The following SEC62 variants were observed in gnomAD, a reference collection of about 807,000 sequenced individuals.
SEC62 encodes SEC62 preprotein translocation factor, also known as translocation protein SEC62.
SEC62 carries 10 observed loss-of-function variants against 47.5 expected under a neutral mutation model. That is an observed-to-expected ratio of 0.21 (90% CI 0.13 to 0.36). SEC62 has a LOEUF of 0.36. Ranked by LOEUF, SEC62 falls within the 10% of genes least tolerant of loss-of-function variation. SEC62 has a pLI of 1.00. For missense variants in SEC62, 327 were observed against 464.1 expected, an observed-to-expected ratio of 0.70 and a Z score of 2.71; for synonymous variants, 136 against 150.5, an observed-to-expected ratio of 0.90 and a Z score of 0.71.
intron 2 of SEC62, among the ~76,000 whole-genome samples, chr3:169,976,185 C>T (rs1032279088): frequency 1.3e-4 from 20 of 152,052 alleles, no homozygotes; most frequent in African/African-American, 4.6e-4. Flanking sequence ...TTGCTTGAGG[C>T]CAGGAGTTCG....
At chr3:169,976,048 A>G (rs1343066094) in intron 2 of SEC62, among the ~76,000 whole-genome samples, 1 of 152,172 alleles carries the variant, frequency 6.6e-6, no homozygotes, top group Non-Finnish European at 1.5e-5. Flanking sequence ...AGCTGATGTC[A>G]TTTATAACAC....
chr3:169,991,050 A>T (rs1249681152), intron 7 of SEC62, among the ~76,000 whole-genome samples: 5 of 152,224 alleles, frequency 3.3e-5, no homozygotes, highest in Non-Finnish European at 7.3e-5. Flanking sequence ...CATAATTGGT[A>T]AATTCAGAGA....
At chr3:169,985,003 A>G (rs997752706) in intron 5 of SEC62, 3 of 152,136 alleles carry the variant, frequency 2.0e-5, no homozygotes, top group African/African-American at 7.2e-5. Context: ...GGAGTAGGCA[A>G]TGAAATTAAT....
At chr3:169,989,981 A>G (rs972724533) in intron 7 of SEC62, among the ~76,000 whole-genome samples, 7 of 146,342 alleles carry the variant, frequency 4.8e-5, no homozygotes, top group African/African-American at 1.7e-4. Flanking sequence ...ATATGAATAT[A>G]TATGATATAT....
chr3:169,979,477 C>T (rs1190302173), intron 3 of SEC62, among the ~76,000 whole-genome samples: 1 of 152,152 alleles, frequency 6.6e-6, no homozygotes, highest in Non-Finnish European at 1.5e-5. Context: ...TGAACTCATA[C>T]ATACTAGGTT....
chr3:169,992,130 A>C lies in SEC62; in HGVS notation c.731-464A>C, dbSNP rs1481818250. Among the ~76,000 whole-genome samples, 2 of 152,166 alleles carry C rather than the reference A, an allele frequency of 1.3e-5. No homozygotes were observed. Among genetic ancestry groups the C allele is most frequent in the African/African-American group, 2.4e-5 (1 of 41,448 alleles). ...TCTTTTCCTACACCATGATCTTATG[A>C]ATACTTAAATTCCCAACTGATTGCT... On this transcript the variant is annotated intron_variant, in intron 7 of 7. Coordinates refer to ENST00000337002, the MANE Select transcript of SEC62 (RefSeq NM_003262.4). The surrounding 1 kb of genome is among the most constrained non-coding windows in gnomAD (Gnocchi z 4.0).
chr3:169,983,475 A>G (rs546071503), intron 5 of SEC62: 14 of 337,042 alleles, frequency 4.2e-5, no homozygotes, highest in Admixed American at 1.4e-4. Flanking sequence ...AAGCATCTTA[A>G]TACAAAATAG....
chr3:169,975,856 C>T lies in SEC62; in HGVS notation c.145+140C>T. 7 of 506,600 alleles carry T rather than the reference C, an allele frequency of 1.4e-5. No individual in the cohort carries two copies. The South Asian group carries it at 2.3e-4, about 17-fold the overall frequency. The allele number at this position is 506,600 out of a possible 1,614,324, so 31.4% of individuals were successfully genotyped here. The stretch of plus-strand genomic sequence containing the variant: ...ACATATGGCAGTTGATTATTCTGTT[C>T]TTTTCTTTTATGATTGAAAATGTCT... On this transcript the variant is annotated intron_variant, in intron 2 of 7. Transcript: ENST00000337002.
At chr3:169,978,291 C>G (rs542238420) in intron 3 of SEC62, among the ~76,000 whole-genome samples, 15 of 152,054 alleles carry the variant, frequency 9.9e-5, no homozygotes, top group African/African-American at 3.4e-4. Flanking sequence ...CAAGGATGAG[C>G]TAACACTCAT....
chr3:169,980,655 T>G (rs1373570730), intron 3 of SEC62, among the ~76,000 whole-genome samples: 1 of 152,236 alleles, frequency 6.6e-6, no homozygotes, highest in Non-Finnish European at 1.5e-5. Flanking sequence ...TAAAATTCTT[T>G]ATTAAGAATC....
chr3:169,975,626 A>G lies in SEC62; in HGVS notation c.55A>G (p.Lys19Glu). 1 of 1,612,864 alleles carries G rather than the reference A, an allele frequency of 6.2e-7. No individual in the cohort carries two copies. Among genetic ancestry groups the G allele is most frequent in the South Asian group, 1.1e-5 (1 of 91,062 alleles). ...GTTGCAGGAAGTTGGTGAACCATCTAAAGAAGAGAAGGCTGTGGCCAAGTA... is the reference window on the plus strand; with the variant it reads ...GTTGCAGGAAGTTGGTGAACCATCTGAAGAAGAGAAGGCTGTGGCCAAGTA... ...KRIQEVGEPS[K>E]EEKAVAKYLR... The change falls in exon 2 of 8, where the codon AAA becomes GAA. Residue 19 changes from lysine to glutamate, a missense_variant. Coordinates refer to ENST00000337002, the MANE Select transcript of SEC62 (RefSeq NM_003262.4).
Position 169,992,563 on chromosome 3 carries a change from T to C in SEC62, c.731-31T>C. On this transcript the variant is annotated intron_variant, in intron 7 of 7. Transcript: ENST00000337002. The surrounding 1 kb of genome is among the most constrained non-coding windows in gnomAD (Gnocchi z 4.0). ...CTCCCTTCTGAGGCAGTGTTTGAAT[T>C]ACTCAATTAGAGAAATTTTTCTCCC... 6.7e-7 allele frequency: 1 copy of C among 1,492,912 alleles called. No homozygotes were observed. The highest frequency in any genetic ancestry group is 9.2e-7 in the Non-Finnish European group (1 of 1,084,698). 92.5% of individuals were successfully genotyped at this position (1,492,912 alleles called of 1,614,324 possible).
chr3:169,988,575 TAAG>T (rs914158986), intron 7 of SEC62, among the ~76,000 whole-genome samples: 21 of 152,318 alleles, frequency 1.4e-4, no homozygotes, highest in African/African-American at 5.1e-4. Context: ...AATTTTTTAA[TAAG>T]ATTATTTTTT....
chr3:169,982,619 T>G, intron 3 of SEC62, 88 bp from the exon 4 acceptor site: 1 of 1,498,466 alleles, frequency 6.7e-7, no homozygotes, highest in Non-Finnish European at 9.2e-7. Context: ...TATGCCTTCC[T>G]TTGCTTATTT....
Position 169,990,166 on chromosome 3 carries a change from A to G in SEC62, c.730+1807A>G, listed in dbSNP as rs11915506. Among the ~76,000 whole-genome samples the G allele has an allele frequency of 3.5e-3, 524 of 151,722 alleles. 2 individuals carry two copies. Among genetic ancestry groups the G allele is most frequent in the African/African-American group, 0.012 (497 of 41,416 alleles). The stretch of plus-strand genomic sequence containing the variant: ...GCCCAGGGTAAAGTACCATGGCAGA[A>G]TCATAGCTCACTGTACCCTCAAACT... On this transcript the variant is annotated intron_variant, in intron 7 of 7. Coordinates refer to ENST00000337002, the MANE Select transcript of SEC62 (RefSeq NM_003262.4).
rs74286677 is a variant in SEC62 at position 169,992,002 on chromosome 3, C to T, written c.731-592C>T. ...TTAATAGTTTTTGTGGAGTAAGTGC[C>T]TTACAAAGGCAAAAGGGCCTAGGGC... is the stretch of plus-strand genomic sequence containing the variant. On this transcript the variant is annotated intron_variant, in intron 7 of 7. Coordinates refer to ENST00000337002, the MANE Select transcript of SEC62 (RefSeq NM_003262.4). This position sits in a 1 kb window ranked among gnomAD's most constrained non-coding sequence, Gnocchi z 4.0. Among the ~76,000 whole-genome samples, 26,815 of 152,006 alleles carry T rather than the reference C, an allele frequency of 0.18. 2,511 individuals are homozygous for T. Among genetic ancestry groups the T allele is most frequent in the South Asian group, 0.23 (1,099 of 4,816 alleles).
intron 3 of SEC62, among the ~76,000 whole-genome samples, chr3:169,980,467 T>C (rs1299030622): frequency 6.6e-6 from 1 of 152,200 alleles, no homozygotes; most frequent in Non-Finnish European, 1.5e-5. Context: ...TTCAACCTAA[T>C]TGTGAAATTA....
At chr3:169,984,129 T>G (rs1034446896) in intron 5 of SEC62, among the ~76,000 whole-genome samples, 11 of 152,312 alleles carry the variant, frequency 7.2e-5, no homozygotes, top group Admixed American at 2.6e-4. Context: ...AATAGTAACA[T>G]CTATAAAGTC....
chr3:169,982,071 T>C (rs1054111871), intron 3 of SEC62, among the ~76,000 whole-genome samples: 9 of 152,174 alleles, frequency 5.9e-5, no homozygotes, highest in African/African-American at 2.2e-4. Flanking sequence ...TAGAGAGAAA[T>C]TAGTGAAACC....
Sources: allele counts gnomAD v4.1 joint callset (sites outside exome capture counted in the v4.1 genomes callset), GRCh38; gene constraint gnomAD v4.1.1; non-coding constraint Gnocchi (gnomAD v3.1); transcripts MANE v1.5; gene names NCBI Gene and HGNC (gene_info 2026-07-23, HGNC 2026-07-21).